Variants in VAT1L observed in about 807,000 individuals in gnomAD.
VAT1L encodes the protein putative NADPH-dependent quinone oxidoreductase VAT1L.
Under a neutral mutation model 44.1 loss-of-function variants are expected in VAT1L, and 34 were observed. That is an observed-to-expected ratio of 0.77 (90% CI 0.59 to 1.03). The LOEUF (loss-of-function observed/expected upper bound fraction) is 1.03, where lower values mean the gene tolerates loss of function less well. Among genes scored for constraint, VAT1L ranks in the 50% least tolerant of loss-of-function variants. The pLI is 0.00. For synonymous variants in VAT1L, 253 were observed against 202.2 expected (o/e 1.25, Z -2.13); for missense variants, 615 against 538.8 (o/e 1.14, Z -1.40).
chr16:77,932,625 G>C (rs1238773653), intron 7 of VAT1L, among the ~76,000 whole-genome samples: 1 of 152,148 alleles, frequency 6.6e-6, no homozygotes, highest in Non-Finnish European at 1.5e-5. Flanking sequence ...TTACACTTGA[G>C]AGAAAAGCAG....
intron 1 of VAT1L, among the ~76,000 whole-genome samples, chr16:77,807,235 T>C (rs186390532): frequency 8.2e-4 from 125 of 152,214 alleles, no homozygotes; most frequent in Non-Finnish European, 1.4e-3. Flanking sequence ...GCACCACCCC[T>C]AAAGCATCCT....
At chr16:77,841,298 G>C (rs2016702230) in intron 3 of VAT1L, among the ~76,000 whole-genome samples, 1 of 152,196 alleles carries the variant, frequency 6.6e-6, no homozygotes, top group Non-Finnish European at 1.5e-5. Context: ...GTCCAGGCTG[G>C]TTTTGAACTC....
At chr16:77,974,900 G>T (rs930442846) in intron 8 of VAT1L, among the ~76,000 whole-genome samples, 2 of 151,954 alleles carry the variant, frequency 1.3e-5, no homozygotes, top group Non-Finnish European at 2.9e-5. Flanking sequence ...GGGACCTAAA[G>T]AAACAAAAAG....
At chr16:77,888,346 C>T (rs1385149479) in intron 7 of VAT1L, among the ~76,000 whole-genome samples, 1 of 152,200 alleles carries the variant, frequency 6.6e-6, no homozygotes, top group East Asian at 1.9e-4. Context: ...TTATTCCAGA[C>T]CCCAGTGCCT....
intron 7 of VAT1L, among the ~76,000 whole-genome samples, chr16:77,964,732 C>T (rs2018203116): frequency 6.7e-6 from 1 of 149,994 alleles, no homozygotes. Context: ...CCCAACCCCT[C>T]ACCATCTATT....
At chr16:77,864,959 T>G (rs1351306143) in intron 4 of VAT1L, among the ~76,000 whole-genome samples, 1 of 150,406 alleles carries the variant, frequency 6.6e-6, no homozygotes, top group Non-Finnish European at 1.5e-5. Flanking sequence ...CAGGTAATTC[T>G]TCTTATCCTT....
At chr16:77,829,379 G>C (rs1359689856) in intron 3 of VAT1L, among the ~76,000 whole-genome samples, 1 of 152,200 alleles carries the variant, frequency 6.6e-6, no homozygotes, top group Non-Finnish European at 1.5e-5. Flanking sequence ...TTCTGTCCGA[G>C]TTTCATCAAA....
chr16:77,976,958 T>G (rs1232226747), intron 8 of VAT1L, among the ~76,000 whole-genome samples: 1 of 152,174 alleles, frequency 6.6e-6, no homozygotes, highest in Non-Finnish European at 1.5e-5. Context: ...CTGCTCTTCT[T>G]AAGTGACAGC....
chr16:77,826,142 G>A, intron 3 of VAT1L, among the ~76,000 whole-genome samples: 1 of 149,420 alleles, frequency 6.7e-6, no homozygotes. Flanking sequence ...GGGAGGCAGA[G>A]CTTGCAGTGA....
At position 77,859,144 on chromosome 16, in the gene VAT1L, A is replaced by AAG. The variant is rs1475300230; in HGVS notation, c.580-3603_580-3602insGA. Among the ~76,000 whole-genome samples the AAG allele has an allele frequency of 2.0e-5, 3 of 151,978 alleles. No individual in the cohort carries two copies. The East Asian group carries it at 5.8e-4, about 30-fold the overall frequency. On this transcript the variant is annotated intron_variant, in intron 3 of 8. Coordinates refer to ENST00000302536, the MANE Select transcript of VAT1L (RefSeq NM_020927.3). ...GAGCGAAACTCCATCTCAAAAAAAA[A>AAG]AAAAAACTATTTGGGTGTGGTGGCA...
chr16:77,973,689 AG>A (rs1337972619), intron 8 of VAT1L, among the ~76,000 whole-genome samples: 1 of 150,900 alleles, frequency 6.6e-6, no homozygotes, highest in Non-Finnish European at 1.5e-5. Flanking sequence ...AAAAAAAAAA[AG>A]AACTAAAATT....
At chr16:77,821,021 A>T (rs773971686) in intron 2 of VAT1L, among the ~76,000 whole-genome samples, 15 of 152,116 alleles carry the variant, frequency 9.9e-5, no homozygotes, top group Non-Finnish European at 4.4e-5. Context: ...CTTCTCCAGG[A>T]CTGAATTTCT....
At position 77,879,118 on chromosome 16, in the gene VAT1L, G is replaced by C. The variant is rs370598892; in HGVS notation, c.827-51G>C. 5.1e-6 allele frequency: 8 copies of C among 1,583,320 alleles called. No homozygotes were observed. The highest frequency in any genetic ancestry group is 1.3e-5 in the African/African-American group (1 of 74,254). ...GCCATTTTTTTCATGCATAACAAGA[G>C]ATGTCCATTTTCATTAGCAATTGCT... On this transcript the variant is annotated intron_variant, in intron 5 of 8. Coordinates refer to ENST00000302536, the MANE Select transcript of VAT1L (RefSeq NM_020927.3). This position sits in a 1 kb window ranked among gnomAD's most constrained non-coding sequence, Gnocchi z 4.1.
intron 7 of VAT1L, among the ~76,000 whole-genome samples, chr16:77,926,508 TG>T (rs1405288491): frequency 1.3e-5 from 2 of 151,866 alleles, no homozygotes; most frequent in Non-Finnish European, 2.9e-5. Context: ...CGCTTGAACC[TG>T]GGAGGCAGAG....
At chr16:77,895,100 C>CCACACACACACACACA (rs67138523) in intron 7 of VAT1L, among the ~76,000 whole-genome samples, 2,884 of 145,216 alleles carry the variant, frequency 0.02, 91 homozygotes, top group African/African-American at 0.065. Context: ...AGCCACTTGC[C>CCACACACACACACACA]CACACACACA....
chr16:77,897,135 C>T (rs1426907770), intron 7 of VAT1L, among the ~76,000 whole-genome samples: 1 of 152,172 alleles, frequency 6.6e-6, no homozygotes, highest in Non-Finnish European at 1.5e-5. Flanking sequence ...GTGCTGCAGA[C>T]CAAGATTCTT....
chr16:77,927,192 G>A (rs2017679138), intron 7 of VAT1L, among the ~76,000 whole-genome samples: 1 of 151,906 alleles, frequency 6.6e-6, no homozygotes. Context: ...CAAAAAATTA[G>A]CCAGGTGTGG....
chr16:77,888,429 A>G (rs1378281920), intron 7 of VAT1L, among the ~76,000 whole-genome samples: 1 of 152,248 alleles, frequency 6.6e-6, no homozygotes, highest in African/African-American at 2.4e-5. Flanking sequence ...AAAGAGGACT[A>G]GTTGGACATT....
intron 1 of VAT1L, among the ~76,000 whole-genome samples, chr16:77,794,254 T>G (rs1022822856): frequency 6.6e-6 from 1 of 152,158 alleles, no homozygotes; most frequent in African/African-American, 2.4e-5. Context: ...GAAATACAAC[T>G]GCTAAGATTC....
Sources: gnomAD v4.1 joint callset for allele counts (sites outside exome capture counted in the v4.1 genomes callset) on GRCh38, gnomAD v4.1.1 for gene constraint, Gnocchi (gnomAD v3.1) non-coding constraint, MANE v1.5 for transcripts, NCBI Gene and HGNC (gene_info 2026-07-23, HGNC 2026-07-21) for gene names.